AFG2A: variants seen among roughly 807,000 people sequenced by gnomAD.
AFG2A encodes ATPase family gene 2 protein homolog A.
chr4:122,972,897 T>C, the AFG2A span, among the ~76,000 whole-genome samples: 1 of 152,090 alleles, frequency 6.6e-6, no homozygotes, highest in Non-Finnish European at 1.5e-5. Context: ...TTTTATTATT[T>C]TGATGTTGTT....
the AFG2A span, among the ~76,000 whole-genome samples, chr4:123,227,599 T>G: frequency 6.6e-6 from 1 of 152,224 alleles, no homozygotes; most frequent in Non-Finnish European, 1.5e-5. Context: ...TTTCTGTTCT[T>G]TTACATTTGC....
At chr4:123,278,294 G>A in the AFG2A span, among the ~76,000 whole-genome samples, 5 of 152,192 alleles carry the variant, frequency 3.3e-5, no homozygotes, top group East Asian at 9.7e-4. Flanking sequence ...ATGTCTGTGG[G>A]ATCAGTGGTA....
the AFG2A span, among the ~76,000 whole-genome samples, chr4:123,142,682 G>T: frequency 6.6e-6 from 1 of 152,006 alleles, no homozygotes; most frequent in Non-Finnish European, 1.5e-5. Context: ...CTCTCTCAGG[G>T]TTAATCTCCC....
the AFG2A span, among the ~76,000 whole-genome samples, chr4:122,926,437 A>G: frequency 2.0e-5 from 3 of 152,184 alleles, no homozygotes; most frequent in Non-Finnish European, 2.9e-5. Context: ...ATTATGCAGT[A>G]TGTGTTCATT....
At chr4:123,095,065 A>ATATG in the AFG2A span, among the ~76,000 whole-genome samples, 100 of 120,592 alleles carry the variant, frequency 8.3e-4, no homozygotes, top group Middle Eastern at 4.0e-3. Flanking sequence ...ATATATATAT[A>ATATG]TGTGTGTGTG....
the AFG2A span, among the ~76,000 whole-genome samples, chr4:123,204,886 C>T: frequency 1.3e-5 from 2 of 152,158 alleles, no homozygotes; most frequent in Non-Finnish European, 2.9e-5. Context: ...AAGAATGTTG[C>T]AAGTTAGTTT....
chr4:123,142,922 G>A, the AFG2A span, among the ~76,000 whole-genome samples: 1 of 151,926 alleles, frequency 6.6e-6, no homozygotes, highest in Admixed American at 6.6e-5. Context: ...GCTATTACAG[G>A]GTGAGCATTC....
At chr4:123,111,644 G>A in the AFG2A span, among the ~76,000 whole-genome samples, 3 of 152,000 alleles carry the variant, frequency 2.0e-5, no homozygotes, top group East Asian at 5.8e-4. Flanking sequence ...GGTCAGTTAT[G>A]GTAATATAGT....
chr4:123,009,298 G>A, the AFG2A span, among the ~76,000 whole-genome samples: 2 of 152,248 alleles, frequency 1.3e-5, no homozygotes, highest in South Asian at 2.1e-4. Context: ...AGTCACGTTG[G>A]TATACTACAG....
the AFG2A span, among the ~76,000 whole-genome samples, chr4:123,179,047 T>A: frequency 6.6e-6 from 1 of 152,328 alleles, no homozygotes; most frequent in South Asian, 2.1e-4. Context: ...CATTCCTAGA[T>A]ATATCATTTA....
chr4:123,173,953 A>G, the AFG2A span, among the ~76,000 whole-genome samples: 2 of 152,184 alleles, frequency 1.3e-5, no homozygotes, highest in African/African-American at 4.8e-5. Context: ...TATTCTTGAT[A>G]TAGATCTGAC....
chr4:123,025,499 G>C, the AFG2A span, among the ~76,000 whole-genome samples: 4 of 152,192 alleles, frequency 2.6e-5, no homozygotes, highest in South Asian at 6.2e-4. Context: ...GAATATGACC[G>C]CTCCATCTTA....
chr4:123,093,169 A>G, the AFG2A span, among the ~76,000 whole-genome samples: 1 of 152,170 alleles, frequency 6.6e-6, no homozygotes, highest in Non-Finnish European at 1.5e-5. Flanking sequence ...GAATTCAAGA[A>G]CTTGCTGGGG....
At chr4:123,265,127 C>T in the AFG2A span, among the ~76,000 whole-genome samples, 1 of 151,986 alleles carries the variant, frequency 6.6e-6, no homozygotes, top group Admixed American at 6.6e-5. Flanking sequence ...AACAGTTTTC[C>T]ACTAAGTAGA....
At chr4:122,952,932 G>T in the AFG2A span, among the ~76,000 whole-genome samples, 15 of 152,084 alleles carry the variant, frequency 9.9e-5, no homozygotes, top group African/African-American at 3.6e-4. Flanking sequence ...TACATTGGGG[G>T]GACTGCCTTA....
the AFG2A span, among the ~76,000 whole-genome samples, chr4:123,263,540 A>G: frequency 6.6e-6 from 1 of 152,332 alleles, no homozygotes; most frequent in East Asian, 1.9e-4. Flanking sequence ...GAGCCCTTGG[A>G]TAAAAATAAA....
the AFG2A span, among the ~76,000 whole-genome samples, chr4:122,964,499 C>G: frequency 2.0e-5 from 1 of 50,332 alleles, no homozygotes; most frequent in African/African-American, 4.2e-5. Context: ...GCAAGACTGT[C>G]TCAAAAAAAA....
chr4:123,132,246 A>G, the AFG2A span, among the ~76,000 whole-genome samples: 1 of 151,986 alleles, frequency 6.6e-6, no homozygotes, highest in Non-Finnish European at 1.5e-5. Flanking sequence ...ATACTTATTC[A>G]TCTTGTGGCT....
the AFG2A span, among the ~76,000 whole-genome samples, chr4:123,258,628 A>G: frequency 2.6e-5 from 4 of 152,084 alleles, no homozygotes; most frequent in Non-Finnish European, 4.4e-5. Flanking sequence ...CTATCAATTT[A>G]TTGTCCTCAC....
Sources: allele counts gnomAD v4.1 joint callset (sites outside exome capture counted in the v4.1 genomes callset), GRCh38; gene constraint gnomAD v4.1.1; transcripts MANE v1.5; gene names NCBI Gene and HGNC (gene_info 2026-07-23, HGNC 2026-07-21).